RANBP17: variants seen among roughly 807,000 people sequenced by gnomAD.
RANBP17 encodes the protein ran-binding protein 17.
Under a neutral mutation model 141.2 loss-of-function variants are expected in RANBP17, and 158 were observed. The ratio of observed to expected loss-of-function variants is 1.12; its 90% CI spans 0.98 to 1.28. The LOEUF (loss-of-function observed/expected upper bound fraction) is 1.28. RANBP17 is among the 50% of genes most tolerant of loss of function. RANBP17 has a pLI of 0.00. For synonymous variants in RANBP17, 430 were observed against 450.0 expected, an observed-to-expected ratio of 0.96 and a Z score of 0.56; for missense variants, 1,438 against 1,290.7, an observed-to-expected ratio of 1.11 and a Z score of -1.75.
chr5:171,265,933 C>T (rs1340226588), intron 25 of RANBP17, 86 bp downstream of exon 25: 2 of 1,186,046 alleles, frequency 1.7e-6, no homozygotes, highest in Non-Finnish European at 2.4e-6. Context: ...AGCAGCTGGT[C>T]TTGCCAAGAC....
At chr5:170,989,595 T>C (rs2080569786) in intron 14 of RANBP17, among the ~76,000 whole-genome samples, 1 of 151,834 alleles carries the variant, frequency 6.6e-6, no homozygotes, top group South Asian at 2.1e-4. Flanking sequence ...TGTAAGAAGA[T>C]AATCATTGGA....
In RANBP17 at chr5:171,233,960, G is replaced by A. The variant is rs78262706; in HGVS notation, c.2423-6968G>A. ...ACCACTCTAGTGGGGGATGTTGATA[G>A]TAGGGAAGCTGTGCATGTGTGGGGG... On this transcript the variant is annotated intron_variant, in intron 22 of 27. Coordinates refer to ENST00000523189, the MANE Select transcript of RANBP17 (RefSeq NM_022897.5). Among the ~76,000 whole-genome samples the A allele has an allele frequency of 3.8e-3, 571 of 152,186 alleles. 2 individuals carry two copies. The highest frequency in any genetic ancestry group is 0.013 in the African/African-American group (520 of 41,518).
At chr5:170,875,518 T>A (rs1287003693) in intron 1 of RANBP17, among the ~76,000 whole-genome samples, 2 of 152,222 alleles carry the variant, frequency 1.3e-5, no homozygotes. Context: ...TCATTTCTTC[T>A]CATTCTTTTT....
chr5:171,242,852 G>A (rs369816824), intron 24 of RANBP17, 32 bp downstream of exon 24: 2 of 1,600,032 alleles, frequency 1.2e-6, no homozygotes, highest in African/African-American at 2.7e-5. Flanking sequence ...GTTTCCATAG[G>A]AAAAACTTGA....
At chr5:170,911,704 G>C (rs1771540720) in intron 7 of RANBP17, among the ~76,000 whole-genome samples, 1 of 151,980 alleles carries the variant, frequency 6.6e-6, no homozygotes, top group East Asian at 1.9e-4. Flanking sequence ...AATATGAAGA[G>C]TTGGCAAGAG....
chr5:170,958,533 A>G (rs577281457), intron 13 of RANBP17, among the ~76,000 whole-genome samples: 1 of 152,310 alleles, frequency 6.6e-6, no homozygotes, highest in African/African-American at 2.4e-5. Context: ...GAATATTGAG[A>G]TTCTAAACTA....
intron 14 of RANBP17, among the ~76,000 whole-genome samples, chr5:171,144,575 T>C (rs1204600869): frequency 1.3e-5 from 2 of 152,186 alleles, no homozygotes; most frequent in African/African-American, 4.8e-5. Context: ...TGGCTGCGAA[T>C]GGTGCCCCCA....
chr5:171,183,016 CAGA>C, intron 16 of RANBP17, 148 bp from the exon 17 acceptor site: 1 of 543,412 alleles, frequency 1.8e-6, no homozygotes. Context: ...TCATTCTTAA[CAGA>C]AGGAAAGACG....
chr5:171,074,011 T>C (rs2127697580), intron 14 of RANBP17, among the ~76,000 whole-genome samples: 1 of 152,186 alleles, frequency 6.6e-6, no homozygotes, highest in Middle Eastern at 3.4e-3. Flanking sequence ...ATAAATACTA[T>C]CCCCTTCTGG....
At chr5:171,191,239 TAAA>T (rs1446553103) in intron 18 of RANBP17, among the ~76,000 whole-genome samples, 1 of 152,134 alleles carries the variant, frequency 6.6e-6, no homozygotes, top group Non-Finnish European at 1.5e-5. Flanking sequence ...AAGATAGAAA[TAAA>T]AACACAGAGG....
In RANBP17 at chr5:170,916,570, C is replaced by G. The variant is rs746328346; in HGVS notation, c.940C>G (p.Leu314Val). ...TTTAATTAAGGGAGTAAAAAGGATA[C>G]TTGAAAACCCTCAGGTATTTATGAA... ...GNLIKGVKRI[L>V]ENPQGLSDPG... The change falls in exon 9 of 28, where the codon CTT becomes GTT. Residue 314 changes from leucine to valine, a missense_variant. By Grantham distance (32) the Leu-to-Val change is conservative. Coordinates refer to ENST00000523189, the MANE Select transcript of RANBP17 (RefSeq NM_022897.5). 1.3e-6 allele frequency: 2 copies of G among 1,557,602 alleles called. No individual in the cohort carries two copies. Among genetic ancestry groups the G allele is most frequent in the Non-Finnish European group, 1.7e-6 (2 of 1,145,832 alleles).
At chr5:171,023,011 C>T (rs902369660) in intron 14 of RANBP17, among the ~76,000 whole-genome samples, 3 of 152,218 alleles carry the variant, frequency 2.0e-5, no homozygotes, top group African/African-American at 7.2e-5. Context: ...TGCCTCCCTT[C>T]ACTGGTGGGA....
rs181673332 is a variant in RANBP17 at position 171,054,040 on chromosome 5, A to G, written c.1710+85663A>G. ...ATAATTCTCTACTTAAAATCTATGT[A>G]TTCTGATATTTGAATAGCCATTCTA... On this transcript the variant is annotated intron_variant, in intron 14 of 27. Coordinates refer to ENST00000523189, the MANE Select transcript of RANBP17 (RefSeq NM_022897.5). Among the ~76,000 whole-genome samples, 870 of 151,568 alleles carry G rather than the reference A, an allele frequency of 5.7e-3. 7 individuals are homozygous for G. The highest frequency in any genetic ancestry group is 0.01 in the Non-Finnish European group (680 of 67,846).
chr5:170,919,582 T>A lies in RANBP17; in HGVS notation c.1243T>A (p.Ser415Thr), dbSNP rs1772260806. Residue 415 changes from serine to threonine, a missense_variant, in exon 11 of 28, where the codon TCT (serine) becomes ACT (threonine). By Grantham distance (58) the Ser-to-Thr change is moderately conservative. Coordinates refer to ENST00000523189, the MANE Select transcript of RANBP17 (RefSeq NM_022897.5). ...AGAAATCACGAAGGCCTTTATCACT[T>A]CTCGGTTGGACTCTGTTGCCATAGT... ...APEITKAFIT[S>T]RLDSVAIVVR... The A allele has an allele frequency of 2.5e-6, 4 of 1,607,190 alleles. No individual in the cohort carries two copies. Among genetic ancestry groups the A allele is most frequent in the Non-Finnish European group, 3.4e-6 (4 of 1,177,780 alleles).
intron 14 of RANBP17, among the ~76,000 whole-genome samples, chr5:170,996,786 CTG>C (rs1223936756): frequency 6.6e-6 from 1 of 152,112 alleles, no homozygotes; most frequent in African/African-American, 2.4e-5. Flanking sequence ...GAACATTTCT[CTG>C]TGTTCCTACT....
intron 25 of RANBP17, among the ~76,000 whole-genome samples, chr5:171,282,393 A>G (rs1767911515): frequency 6.6e-6 from 1 of 152,160 alleles, no homozygotes; most frequent in Non-Finnish European, 1.5e-5. Context: ...AAGGCACAGG[A>G]GCCAAGCAGG....
chr5:171,233,194 A>G (rs953196207), intron 22 of RANBP17, among the ~76,000 whole-genome samples: 6 of 152,166 alleles, frequency 3.9e-5, no homozygotes, highest in Non-Finnish European at 7.4e-5. Flanking sequence ...TAGAAAAGTA[A>G]AAGAAGGTAA....
At chr5:171,261,681 A>G (rs189020743) in intron 24 of RANBP17, among the ~76,000 whole-genome samples, 5 of 152,340 alleles carry the variant, frequency 3.3e-5, no homozygotes, top group East Asian at 1.9e-4. Flanking sequence ...CAAAATGCCT[A>G]TTAGGCTTAA....
intron 11 of RANBP17, among the ~76,000 whole-genome samples, chr5:170,920,606 C>G (rs115745184): frequency 0.012 from 1,775 of 150,808 alleles, 32 homozygotes; most frequent in African/African-American, 0.041. Flanking sequence ...TGTTGTTTGC[C>G]TTTTCATTTT....
Sources: allele counts gnomAD v4.1 joint callset (sites outside exome capture counted in the v4.1 genomes callset), GRCh38; gene constraint gnomAD v4.1.1; transcripts MANE v1.5; gene names NCBI Gene and HGNC (gene_info 2026-07-23, HGNC 2026-07-21).